EYS: variants seen among roughly 807,000 people sequenced by gnomAD.
The protein encoded by EYS is protein eyes shut homolog.
A neutral mutation model predicts 282.1 loss-of-function variants in EYS; 250 were observed. The observed-to-expected ratio is 0.89, with a 90% CI of 0.80 to 0.98. EYS has a LOEUF of 0.98. EYS is among the 50% of genes least tolerant of loss of function. The probability of loss-of-function intolerance (pLI) is 0.00; values close to 1 mark genes in which losing one functional copy is unlikely to be tolerated. For synonymous variants in EYS, 1,355 were observed against 1,282.9 expected (o/e 1.06, Z -1.20); for missense variants, 4,016 against 3,709.0 (o/e 1.08, Z -2.15).
intron 42 of EYS, among the ~76,000 whole-genome samples, chr6:63,722,523 G>A (rs1884118): frequency 0.016 from 2,430 of 152,220 alleles, 67 homozygotes; most frequent in African/African-American, 0.056. Context: ...GTTGCAATGA[G>A]GCATTCAGAA....
rs944629200 is a variant in EYS, at chr6:64,662,698, G to A, written c.3444-36453C>T. Among the ~76,000 whole-genome samples the A allele has an allele frequency of 3.3e-5, 5 of 152,168 alleles. No homozygotes were observed. The East Asian group carries it at 7.7e-4, about 24-fold the overall frequency. On this transcript the variant is annotated intron_variant, in intron 22 of 42. Coordinates refer to ENST00000503581, the MANE Select transcript of EYS (RefSeq NM_001142800.2). ...CATAGATTTTTTTTGTTTAGACTAT[G>A]TTTTAGGTTCCAGGTTTTGTATAAC...
At chr6:64,593,975 T>C (rs1445170919) in intron 24 of EYS, among the ~76,000 whole-genome samples, 2 of 152,192 alleles carry the variant, frequency 1.3e-5, no homozygotes, top group African/African-American at 2.4e-5. Flanking sequence ...TCATTTTTAT[T>C]TGTAAGAAAA....
chr6:64,477,001 C>A lies in EYS; in HGVS notation c.5645-37649G>T, dbSNP rs1474725845. Among the ~76,000 whole-genome samples, 5 of 152,106 alleles carry A rather than the reference C, an allele frequency of 3.3e-5. No homozygotes were observed. The East Asian group carries it at 9.7e-4, about 29-fold the overall frequency. Reference sequence around the variant, plus strand: ...TTTAGTGGAATGTAGGAATATAATTCTCTAATATGACAAAAAGAAAGAAGA... The same window carrying A: ...TTTAGTGGAATGTAGGAATATAATTATCTAATATGACAAAAAGAAAGAAGA... On this transcript the variant is annotated intron_variant, in intron 26 of 42. Coordinates refer to ENST00000503581, the MANE Select transcript of EYS (RefSeq NM_001142800.2).
intron 2 of EYS, among the ~76,000 whole-genome samples, chr6:65,567,898 A>G (rs1326820456): frequency 6.6e-6 from 1 of 152,150 alleles, no homozygotes; most frequent in Non-Finnish European, 1.5e-5. Flanking sequence ...TCAGAAAACA[A>G]TACCCCAAAA....
At chr6:65,213,228 G>A (rs1766218504) in intron 12 of EYS, among the ~76,000 whole-genome samples, 1 of 152,122 alleles carries the variant, frequency 6.6e-6, no homozygotes, top group Non-Finnish European at 1.5e-5. Flanking sequence ...TGACAGAATC[G>A]ATGAACTGTC....
intron 15 of EYS, among the ~76,000 whole-genome samples, chr6:64,932,805 ATTTT>A (rs1265888118): frequency 6.6e-6 from 1 of 152,044 alleles, no homozygotes; most frequent in Admixed American, 6.6e-5. Flanking sequence ...GAAATGATTC[ATTTT>A]AGCTGACCAC....
chr6:65,631,211 T>C (rs1366937870), intron 2 of EYS, among the ~76,000 whole-genome samples: 3 of 152,160 alleles, frequency 2.0e-5, no homozygotes, highest in East Asian at 1.9e-4. Flanking sequence ...TTGAAAAATA[T>C]CCTCATTCTC....
At chr6:65,656,728 T>C (rs984127444) in intron 1 of EYS, among the ~76,000 whole-genome samples, 3 of 151,940 alleles carry the variant, frequency 2.0e-5, no homozygotes, top group African/African-American at 7.2e-5. Context: ...CAAGTGCTAA[T>C]GTAGAAGCTG....
Position 63,956,771 on chromosome 6 carries a change from T to C in EYS, c.7055+27612A>G, listed in dbSNP as rs1449731887. On this transcript the variant is annotated intron_variant, in intron 35 of 42. Transcript: ENST00000503581. Reference sequence around the variant, plus strand: ...AAGTTTAACACGTATTTCCCACACATACTGCCTTTTGAAATGTGCAAGTTA... The same window carrying C: ...AAGTTTAACACGTATTTCCCACACACACTGCCTTTTGAAATGTGCAAGTTA... 1.1e-4 allele frequency among the ~76,000 whole-genome samples: 16 copies of C among 152,260 alleles called. No individual in the cohort carries two copies. In the East Asian group the frequency reaches 3.1e-3, roughly 29 times the overall value.
intron 13 of EYS, among the ~76,000 whole-genome samples, chr6:65,030,996 G>C (rs886477867): frequency 6.6e-6 from 1 of 151,936 alleles, no homozygotes; most frequent in Non-Finnish European, 1.5e-5. Flanking sequence ...AGCAGAGGTT[G>C]CTATTCTAAT....
intron 22 of EYS, among the ~76,000 whole-genome samples, chr6:64,778,432 T>C (rs982677632): frequency 6.6e-6 from 1 of 152,170 alleles, no homozygotes; most frequent in Non-Finnish European, 1.5e-5. Flanking sequence ...ATGCAAACAA[T>C]AGGGGAAGAC....
At chr6:64,473,394 T>A (rs571612759) in intron 26 of EYS, among the ~76,000 whole-genome samples, 1 of 152,246 alleles carries the variant, frequency 6.6e-6, no homozygotes, top group South Asian at 2.1e-4. Context: ...TTAACATGAA[T>A]AAATAGAAAT....
chr6:63,949,454 C>T (rs1180601084), intron 35 of EYS, among the ~76,000 whole-genome samples: 1 of 152,176 alleles, frequency 6.6e-6, no homozygotes, highest in Non-Finnish European at 1.5e-5. Flanking sequence ...TGGTCCCTTT[C>T]TCTGGGAAGA....
chr6:64,344,465 T>G (rs1313208626), intron 29 of EYS, among the ~76,000 whole-genome samples: 1 of 152,052 alleles, frequency 6.6e-6, no homozygotes, highest in Non-Finnish European at 1.5e-5. Context: ...ACCACATGAT[T>G]ATCTCAATAG....
intron 14 of EYS, among the ~76,000 whole-genome samples, chr6:64,976,036 C>A (rs1770466410): frequency 6.6e-6 from 1 of 151,518 alleles, no homozygotes; most frequent in Non-Finnish European, 1.5e-5. Context: ...AAATATTTGC[C>A]TAACTTTATT....
intron 5 of EYS, among the ~76,000 whole-genome samples, chr6:65,465,719 C>G (rs542665267): frequency 2.0e-5 from 3 of 152,196 alleles, no homozygotes; most frequent in East Asian, 3.9e-4. Context: ...CTTATTCCCA[C>G]TCTTGTAACT....
intron 26 of EYS, among the ~76,000 whole-genome samples, chr6:64,488,725 T>C (rs1368629533): frequency 6.6e-6 from 1 of 151,020 alleles, no homozygotes; most frequent in Non-Finnish European, 1.5e-5. Context: ...AAAGTAAACG[T>C]AGCAGAGGCA....
At chr6:63,837,037 G>A (rs548707414) in intron 36 of EYS, among the ~76,000 whole-genome samples, 186 of 151,952 alleles carry the variant, frequency 1.2e-3, no homozygotes, top group Non-Finnish European at 1.5e-3. Flanking sequence ...TCTCCACAGC[G>A]TCTGATACTA....
intron 22 of EYS, among the ~76,000 whole-genome samples, chr6:64,695,372 C>G (rs889159514): frequency 6.6e-6 from 1 of 151,944 alleles, no homozygotes; most frequent in Non-Finnish European, 1.5e-5. Flanking sequence ...AAGGAGACAC[C>G]CTTTGCGTGA....
Sources: gnomAD v4.1 joint callset for allele counts (sites outside exome capture counted in the v4.1 genomes callset) on GRCh38, gnomAD v4.1.1 for gene constraint, MANE v1.5 for transcripts, NCBI Gene and HGNC (gene_info 2026-07-23, HGNC 2026-07-21) for gene names.